The following CPQ variants were observed in gnomAD, a reference collection of about 807,000 sequenced individuals.
CPQ encodes carboxypeptidase Q, also known as Ser-Met dipeptidase.
In CPQ, 37 loss-of-function variants were observed where a neutral mutation model predicts 45.7. That is an observed-to-expected ratio of 0.81 (90% CI 0.62 to 1.07). CPQ has a LOEUF of 1.07. Among genes scored for constraint, CPQ ranks in the 50% least tolerant of loss-of-function variants. The pLI, the probability that CPQ is intolerant of heterozygous loss-of-function variation, is 0.00. For synonymous variants in CPQ, 186 were observed against 205.8 expected (o/e 0.90, Z 0.82); for missense variants, 537 against 572.9 (o/e 0.94, Z 0.64).
intron 1 of CPQ, among the ~76,000 whole-genome samples, chr8:96,767,798 C>T (rs932288854): frequency 1.3e-5 from 2 of 152,000 alleles, no homozygotes; most frequent in African/African-American, 4.8e-5. Context: ...CATGCGCCAC[C>T]ATGCTCGGCT....
intron 3 of CPQ, among the ~76,000 whole-genome samples, chr8:96,835,385 G>A (rs1811517055): frequency 6.6e-6 from 1 of 152,136 alleles, no homozygotes; most frequent in African/African-American, 2.4e-5. Flanking sequence ...CATCACTTGT[G>A]CATTCCTTTA....
At chr8:97,003,872 A>G (rs771507928) in intron 5 of CPQ, among the ~76,000 whole-genome samples, 9 of 152,152 alleles carry the variant, frequency 5.9e-5, no homozygotes, top group Admixed American at 2.6e-4. Context: ...TTTTTTGACT[A>G]TCATTATCAC....
chr8:96,928,825 T>C (rs937693290), intron 4 of CPQ, among the ~76,000 whole-genome samples: 1 of 152,162 alleles, frequency 6.6e-6, no homozygotes, highest in African/African-American at 2.4e-5. Context: ...ACTCCGAGTC[T>C]GAGGGTGGCA....
intron 3 of CPQ, among the ~76,000 whole-genome samples, chr8:96,839,887 C>A (rs966657046): frequency 6.6e-6 from 1 of 152,124 alleles, no homozygotes; most frequent in East Asian, 1.9e-4. Flanking sequence ...CTTTATGTAA[C>A]CCAATAGAAG....
chr8:96,931,111 C>T (rs181142467), intron 4 of CPQ, among the ~76,000 whole-genome samples: 3 of 152,288 alleles, frequency 2.0e-5, no homozygotes, highest in African/African-American at 7.2e-5. Flanking sequence ...CCTTCTTCCC[C>T]GTAAGGGACA....
chr8:96,734,927 C>T (rs935978277), intron 1 of CPQ, among the ~76,000 whole-genome samples: 1 of 151,976 alleles, frequency 6.6e-6, no homozygotes, highest in African/African-American at 2.4e-5. Flanking sequence ...TTCACATACT[C>T]TCTTACTTTT....
intron 2 of CPQ, among the ~76,000 whole-genome samples, chr8:96,819,224 A>C (rs1811270402): frequency 6.6e-6 from 1 of 152,094 alleles, no homozygotes. Context: ...AGCTTCAAAA[A>C]GTTTGTGGAA....
chr8:97,115,068 C>T (rs1811561284), intron 7 of CPQ, among the ~76,000 whole-genome samples: 3 of 152,106 alleles, frequency 2.0e-5, no homozygotes, highest in Non-Finnish European at 4.4e-5. Flanking sequence ...CTGAAATTTG[C>T]TGAACCAGAA....
chr8:96,926,601 TC>T (rs1812888333), intron 4 of CPQ, among the ~76,000 whole-genome samples: 1 of 147,222 alleles, frequency 6.8e-6, no homozygotes, highest in African/African-American at 2.6e-5. Flanking sequence ...TTCTTCTTCT[TC>T]TTCTTCTTCT....
intron 2 of CPQ, among the ~76,000 whole-genome samples, chr8:96,793,956 T>C (rs1810888108): frequency 6.6e-6 from 1 of 152,190 alleles, no homozygotes. Context: ...GCCACGGTCT[T>C]GGGCAGCTCC....
intron 7 of CPQ, among the ~76,000 whole-genome samples, chr8:97,130,722 CCA>C (rs1811940122): frequency 6.6e-6 from 1 of 152,070 alleles, no homozygotes; most frequent in Non-Finnish European, 1.5e-5. Flanking sequence ...ATTCCTTGAA[CCA>C]ACCTTTTACT....
intron 4 of CPQ, among the ~76,000 whole-genome samples, chr8:96,888,608 T>G (rs1812334465): frequency 6.6e-6 from 1 of 152,192 alleles, no homozygotes; most frequent in Non-Finnish European, 1.5e-5. Context: ...CGAATACAGT[T>G]GGGAACTTTC....
chr8:97,113,767 C>T (rs762869884), intron 7 of CPQ, among the ~76,000 whole-genome samples: 1 of 152,178 alleles, frequency 6.6e-6, no homozygotes, highest in Non-Finnish European at 1.5e-5. Context: ...GGGAATAAAA[C>T]GTATCTGGTG....
chr8:96,660,420 T>C (rs1047045514), intron 1 of CPQ, among the ~76,000 whole-genome samples: 1 of 152,208 alleles, frequency 6.6e-6, no homozygotes, highest in African/African-American at 2.4e-5. Context: ...TTTCAAATAG[T>C]CACAGTCCAA....
chr8:96,928,217 A>G (rs1812919085), intron 4 of CPQ, among the ~76,000 whole-genome samples: 1 of 152,144 alleles, frequency 6.6e-6, no homozygotes, highest in Non-Finnish European at 1.5e-5. Context: ...ACCCTGGGGC[A>G]TTTATGCACT....
At chr8:96,950,626 C>T (rs1040856439) in intron 4 of CPQ, among the ~76,000 whole-genome samples, 3 of 152,112 alleles carry the variant, frequency 2.0e-5, no homozygotes, top group Non-Finnish European at 4.4e-5. Context: ...TGTTGCCCCT[C>T]AACTGCTTCA....
chr8:97,121,782 A>G (rs1811706660), intron 7 of CPQ, among the ~76,000 whole-genome samples: 1 of 152,126 alleles, frequency 6.6e-6, no homozygotes, highest in Admixed American at 6.6e-5. Flanking sequence ...GAAATCAGAA[A>G]CATAATGAAA....
intron 1 of CPQ, among the ~76,000 whole-genome samples, chr8:96,657,756 G>T (rs947061716): frequency 2.6e-5 from 4 of 152,146 alleles, no homozygotes; most frequent in Non-Finnish European, 5.9e-5. Flanking sequence ...TACTCTTACT[G>T]GCCTTGTGCC....
chr8:96,841,818 T>A (rs1261539086), intron 3 of CPQ, among the ~76,000 whole-genome samples: 1 of 152,086 alleles, frequency 6.6e-6, no homozygotes, highest in African/African-American at 2.4e-5. Context: ...CCAGGTGATG[T>A]TTATGGAGTG....
Sources: allele counts gnomAD v4.1 joint callset (sites outside exome capture counted in the v4.1 genomes callset), GRCh38; gene constraint gnomAD v4.1.1; transcripts MANE v1.5; gene names NCBI Gene and HGNC (gene_info 2026-07-23, HGNC 2026-07-21).